ACTR3C: variants seen among roughly 807,000 people sequenced by gnomAD.
ACTR3C encodes actin related protein 3C, also known as actin-related protein 3C.
Under a neutral mutation model 26.3 loss-of-function variants are expected in ACTR3C, and 18 were observed. The ratio of observed to expected loss-of-function variants is 0.68; its 90% CI spans 0.47 to 1.01. ACTR3C has a LOEUF of 1.01. Among genes scored for constraint, ACTR3C ranks in the 50% least tolerant of loss-of-function variants. The probability of loss-of-function intolerance (pLI) is 0.00; values close to 1 mark genes in which losing one functional copy is unlikely to be tolerated. For missense variants in ACTR3C, 184 were observed against 250.7 expected, an observed-to-expected ratio of 0.73 and a Z score of 1.80; for synonymous variants, 55 against 94.5, an observed-to-expected ratio of 0.58 and a Z score of 2.42.
the ACTR3C span, among the ~76,000 whole-genome samples, chr7:150,214,520 A>G: frequency 6.6e-6 from 1 of 151,682 alleles, no homozygotes; most frequent in Non-Finnish European, 1.5e-5. Flanking sequence ...AAACCTGAAA[A>G]AGAGAGAGAA....
the ACTR3C span, among the ~76,000 whole-genome samples, chr7:150,188,715 T>C: frequency 2.1e-4 from 32 of 152,040 alleles, no homozygotes; most frequent in Non-Finnish European, 3.4e-4. Flanking sequence ...ATGGTGCTGA[T>C]GGAATTGTAG....
chr7:150,301,387 T>C (rs1795432243), intron 1 of ACTR3C, among the ~76,000 whole-genome samples: 1 of 152,172 alleles, frequency 6.6e-6, no homozygotes, highest in Non-Finnish European at 1.5e-5. Context: ...CCAACAAGAA[T>C]CAGATTAACC....
intron 6 of ACTR3C, among the ~76,000 whole-genome samples, chr7:150,255,267 T>C (rs1833133289): frequency 8.4e-6 from 1 of 119,022 alleles, no homozygotes; most frequent in Non-Finnish European, 1.7e-5. Flanking sequence ...TTTTTTTTTT[T>C]GCTTTCGAGT....
the ACTR3C span, among the ~76,000 whole-genome samples, chr7:150,132,034 C>T: frequency 5.9e-5 from 9 of 152,184 alleles, no homozygotes; most frequent in Non-Finnish European, 8.8e-5. Flanking sequence ...TATACTACAG[C>T]GATGGCTATT....
At chr7:150,173,898 C>G in the ACTR3C span, among the ~76,000 whole-genome samples, 596 of 146,500 alleles carry the variant, frequency 4.1e-3, 7 homozygotes, top group African/African-American at 0.015. Flanking sequence ...CAAGAGTCAC[C>G]TTTGCTCCAG....
chr7:149,887,839 T>C, the ACTR3C span, among the ~76,000 whole-genome samples: 7 of 152,342 alleles, frequency 4.6e-5, no homozygotes, highest in Admixed American at 3.9e-4. Context: ...ATTCTTGTGA[T>C]AGTGAATACG....
chr7:149,887,530 G>A, the ACTR3C span, among the ~76,000 whole-genome samples: 1 of 152,212 alleles, frequency 6.6e-6, no homozygotes, highest in Non-Finnish European at 1.5e-5. Context: ...CAGGCTGGAC[G>A]TACCATCAGG....
At chr7:150,030,935 C>A in the ACTR3C span, among the ~76,000 whole-genome samples, 2 of 152,118 alleles carry the variant, frequency 1.3e-5, no homozygotes, top group African/African-American at 4.8e-5. Flanking sequence ...AGGGACAAGT[C>A]CATTTAATTG....
intron 1 of ACTR3C, among the ~76,000 whole-genome samples, chr7:150,316,154 G>A (rs1317217400): frequency 6.6e-6 from 1 of 152,154 alleles, no homozygotes; most frequent in Non-Finnish European, 1.5e-5. Context: ...CCGAGATCAC[G>A]CCATTGCACT....
At chr7:150,153,029 T>G in the ACTR3C span, among the ~76,000 whole-genome samples, 1 of 152,210 alleles carries the variant, frequency 6.6e-6, no homozygotes. Flanking sequence ...TCTTCTCTCT[T>G]TTCTTCTTTA....
At chr7:150,313,278 C>T (rs1262142524) in intron 1 of ACTR3C, among the ~76,000 whole-genome samples, 3 of 152,164 alleles carry the variant, frequency 2.0e-5, no homozygotes, top group Non-Finnish European at 4.4e-5. Flanking sequence ...TCTACGGACA[C>T]ACGTGACAGT....
the ACTR3C span, among the ~76,000 whole-genome samples, chr7:150,024,848 A>T: frequency 6.7e-6 from 1 of 149,122 alleles, no homozygotes; most frequent in African/African-American, 2.5e-5. Flanking sequence ...ATGCATTACA[A>T]ATGCACAATC....
At chr7:149,956,134 A>G in the ACTR3C span, among the ~76,000 whole-genome samples, 2,031 of 152,306 alleles carry the variant, frequency 0.013, 49 homozygotes, top group African/African-American at 0.045. Context: ...TTATTATTAG[A>G]AATGAGGCTT....
the ACTR3C span, among the ~76,000 whole-genome samples, chr7:149,907,783 A>G: frequency 6.6e-6 from 1 of 152,138 alleles, no homozygotes; most frequent in Non-Finnish European, 1.5e-5. Context: ...TCAGCCTTTT[A>G]TAGCTGTCAC....
the ACTR3C span, among the ~76,000 whole-genome samples, chr7:150,141,374 G>C: frequency 6.6e-6 from 1 of 152,090 alleles, no homozygotes; most frequent in Non-Finnish European, 1.5e-5. Context: ...ACTGAGCAAG[G>C]GAGATTCAAC....
chr7:150,234,175 G>A, the ACTR3C span, among the ~76,000 whole-genome samples: 1 of 152,210 alleles, frequency 6.6e-6, no homozygotes, highest in Non-Finnish European at 1.5e-5. Context: ...TGGTGAGAAG[G>A]TTGGCATAGG....
At chr7:150,102,638 AG>A in the ACTR3C span, among the ~76,000 whole-genome samples, 1 of 151,946 alleles carries the variant, frequency 6.6e-6, no homozygotes, top group African/African-American at 2.4e-5. Flanking sequence ...GACCTAGACA[AG>A]ACACTGTCAC....
chr7:150,167,606 T>C, the ACTR3C span, among the ~76,000 whole-genome samples: 1 of 150,800 alleles, frequency 6.6e-6, no homozygotes, highest in African/African-American at 2.5e-5. Flanking sequence ...CACACATGGA[T>C]GAGAAGTTTA....
At chr7:150,187,593 T>C in the ACTR3C span, among the ~76,000 whole-genome samples, 1 of 128,140 alleles carries the variant, frequency 7.8e-6, no homozygotes, top group Non-Finnish European at 1.6e-5. Context: ...TGATCTCTGA[T>C]AGTTCCTCAG....
Sources: allele counts gnomAD v4.1 joint callset (sites outside exome capture counted in the v4.1 genomes callset), GRCh38; gene constraint gnomAD v4.1.1; transcripts MANE v1.5; gene names NCBI Gene and HGNC (gene_info 2026-07-23, HGNC 2026-07-21).